Variants in HS6ST3 observed in about 807,000 individuals in gnomAD.
HS6ST3 encodes heparan-sulfate 6-O-sulfotransferase 3.
In HS6ST3, 12 loss-of-function variants were observed where a neutral mutation model predicts 36.7. The ratio of observed to expected loss-of-function variants is 0.33; its 90% CI spans 0.21 to 0.53. The LOEUF (loss-of-function observed/expected upper bound fraction) is 0.53. Among genes scored for constraint, HS6ST3 ranks in the 20% least tolerant of loss-of-function variants. HS6ST3 has a pLI of 0.95. For missense variants in HS6ST3, 584 were observed against 640.9 expected, an observed-to-expected ratio of 0.91 and a Z score of 0.96; for synonymous variants, 240 against 257.5, an observed-to-expected ratio of 0.93 and a Z score of 0.65.
chr13:96,462,184 C>G (rs746588793), intron 1 of HS6ST3, among the ~76,000 whole-genome samples: 2 of 152,144 alleles, frequency 1.3e-5, no homozygotes, highest in African/African-American at 4.8e-5. Context: ...ATCCTCCCAC[C>G]TGACCCTCCC....
chr13:96,373,898 T>C (rs2055302518), intron 1 of HS6ST3, among the ~76,000 whole-genome samples: 1 of 152,194 alleles, frequency 6.6e-6, no homozygotes, highest in Admixed American at 6.5e-5. Flanking sequence ...TATCTTATTT[T>C]GTTGTGATGT....
At chr13:96,620,299 A>G (rs987970448) in intron 1 of HS6ST3, among the ~76,000 whole-genome samples, 2 of 152,196 alleles carry the variant, frequency 1.3e-5, no homozygotes, top group Non-Finnish European at 2.9e-5. Flanking sequence ...ACTGTTTTTT[A>G]AAAATGCTTG....
intron 1 of HS6ST3, among the ~76,000 whole-genome samples, chr13:96,517,418 A>C (rs1439377222): frequency 2.0e-5 from 3 of 152,140 alleles, no homozygotes; most frequent in Admixed American, 2.0e-4. Context: ...CCAGCCTAAC[A>C]ACAGTGGGGC....
intron 1 of HS6ST3, among the ~76,000 whole-genome samples, chr13:96,424,903 G>A (rs1198953718): frequency 6.6e-6 from 1 of 152,182 alleles, no homozygotes; most frequent in Non-Finnish European, 1.5e-5. Flanking sequence ...CAAGATAGGT[G>A]CCACTAACCT....
chr13:96,160,769 G>T (rs758813404), intron 1 of HS6ST3, among the ~76,000 whole-genome samples: 2 of 152,224 alleles, frequency 1.3e-5, no homozygotes, highest in South Asian at 4.1e-4. Flanking sequence ...CCCAGAGGGT[G>T]TACAATCTGA....
chr13:96,486,118 G>A (rs1298730715), intron 1 of HS6ST3, among the ~76,000 whole-genome samples: 1 of 148,584 alleles, frequency 6.7e-6, no homozygotes, highest in African/African-American at 2.5e-5. Context: ...TGCGGTGTTT[G>A]GTTTTTTGTC....
At chr13:96,389,273 A>T (rs933434836) in intron 1 of HS6ST3, among the ~76,000 whole-genome samples, 3 of 152,168 alleles carry the variant, frequency 2.0e-5, no homozygotes, top group Admixed American at 2.0e-4. Context: ...TTGTCATAAA[A>T]AAGTAACTTG....
At chr13:96,174,255 C>A (rs1000480552) in intron 1 of HS6ST3, among the ~76,000 whole-genome samples, 1 of 152,092 alleles carries the variant, frequency 6.6e-6, no homozygotes. Context: ...GATTTTTCTG[C>A]CTATATGTTT....
chr13:96,637,748 C>A (rs1027197939), intron 1 of HS6ST3, among the ~76,000 whole-genome samples: 25 of 152,000 alleles, frequency 1.6e-4, no homozygotes, highest in African/African-American at 6.0e-4. Flanking sequence ...ATAAAAAAAA[C>A]AATAATACAT....
chr13:96,462,295 T>C (rs1265321448), intron 1 of HS6ST3, among the ~76,000 whole-genome samples: 1 of 152,148 alleles, frequency 6.6e-6, no homozygotes, highest in East Asian at 1.9e-4. Flanking sequence ...GGTCTCAAAC[T>C]CCTGGCCTCA....
chr13:96,711,141 A>G (rs1875551492), intron 1 of HS6ST3, among the ~76,000 whole-genome samples: 1 of 152,058 alleles, frequency 6.6e-6, no homozygotes, highest in Non-Finnish European at 1.5e-5. Flanking sequence ...CCGCTCTTGC[A>G]TCTTTCTTAG....
intron 1 of HS6ST3, among the ~76,000 whole-genome samples, chr13:96,436,530 C>T (rs934868772): frequency 6.6e-6 from 1 of 152,136 alleles, no homozygotes; most frequent in African/African-American, 2.4e-5. Context: ...ACCCCCAGTA[C>T]CTCAAAATAT....
In HS6ST3 at chr13:96,395,036, A is replaced by G. The variant is rs548988978; in HGVS notation, c.707+303467A>G. Among the ~76,000 whole-genome samples the G allele has an allele frequency of 3.1e-3, 473 of 152,236 alleles. 1 individual carries two copies. The highest frequency in any genetic ancestry group is 5.3e-3 in the Non-Finnish European group (362 of 68,014). ...GTGAATATCTTTCTATTAAGGCTTC[A>G]TTTGTTCATCTGTTGCTTTGTGGTC... On this transcript the variant is annotated intron_variant, in intron 1 of 1. Transcript: ENST00000376705.
chr13:96,618,661 G>GA (rs1161693254), intron 1 of HS6ST3, among the ~76,000 whole-genome samples: 2 of 152,182 alleles, frequency 1.3e-5, no homozygotes, highest in Non-Finnish European at 2.9e-5. Context: ...AGGCATTTCT[G>GA]ACGTGGTACA....
intron 1 of HS6ST3, among the ~76,000 whole-genome samples, chr13:96,630,396 A>C (rs1475979364): frequency 6.6e-6 from 1 of 152,166 alleles, no homozygotes; most frequent in African/African-American, 2.4e-5. Context: ...GGGATTTTCA[A>C]ATTCATACAG....
intron 1 of HS6ST3, among the ~76,000 whole-genome samples, chr13:96,543,968 T>TATAC: frequency 6.6e-6 from 1 of 151,504 alleles, no homozygotes; most frequent in South Asian, 2.1e-4. Context: ...TATATATATA[T>TATAC]ATATAATTCT....
chr13:96,439,560 T>G (rs777430487), intron 1 of HS6ST3, among the ~76,000 whole-genome samples: 8 of 152,190 alleles, frequency 5.3e-5, no homozygotes, highest in Non-Finnish European at 7.3e-5. Context: ...GCTCTGGCAC[T>G]TAGCAGCTGT....
At chr13:96,430,051 A>G (rs965963491) in intron 1 of HS6ST3, among the ~76,000 whole-genome samples, 1 of 152,174 alleles carries the variant, frequency 6.6e-6, no homozygotes, top group African/African-American at 2.4e-5. Flanking sequence ...ATTTGATTTA[A>G]TGTACTTGCT....
chr13:96,500,482 A>G (rs1423579152), intron 1 of HS6ST3, among the ~76,000 whole-genome samples: 1 of 152,196 alleles, frequency 6.6e-6, no homozygotes, highest in Non-Finnish European at 1.5e-5. Flanking sequence ...TTCGTCTGCT[A>G]TGCTGAGACT....
Sources: allele counts gnomAD v4.1 joint callset (sites outside exome capture counted in the v4.1 genomes callset), GRCh38; gene constraint gnomAD v4.1.1; transcripts MANE v1.5; gene names NCBI Gene and HGNC (gene_info 2026-07-23, HGNC 2026-07-21).